Variants in CYP7B1 observed in about 807,000 individuals in gnomAD.
The protein encoded by CYP7B1 is cytochrome P450 7B1.
CYP7B1 carries 29 observed loss-of-function variants against 42.7 expected under a neutral mutation model. The observed-to-expected ratio is 0.68, with a 90% CI of 0.51 to 0.93. The LOEUF is 0.93. CYP7B1 is among the 40% of genes least tolerant of loss of function. CYP7B1 has a pLI of 0.00. For missense variants in CYP7B1, 655 were observed against 600.5 expected, an observed-to-expected ratio of 1.09 and a Z score of -0.95; for synonymous variants, 235 against 218.2, an observed-to-expected ratio of 1.08 and a Z score of -0.68.
chr8:64,670,163 C>T (rs1292740158), intron 1 of CYP7B1, among the ~76,000 whole-genome samples: 1 of 152,194 alleles, frequency 6.6e-6, no homozygotes, highest in Non-Finnish European at 1.5e-5. Flanking sequence ...CATGGCCTCT[C>T]TGTAACACTT....
At chr8:64,724,335 C>A (rs529506295) in intron 1 of CYP7B1, among the ~76,000 whole-genome samples, 1 of 151,932 alleles carries the variant, frequency 6.6e-6, no homozygotes, top group Admixed American at 6.6e-5. Context: ...TTAGTACAGA[C>A]GGGGTTTCAC....
At chr8:64,589,433 T>C (rs1805007377), downstream of CYP7B1, among the ~76,000 whole-genome samples, 1 of 152,242 alleles carries the variant, frequency 6.6e-6, no homozygotes, top group Non-Finnish European at 1.5e-5. Flanking sequence ...ACCACATGTA[T>C]AGTTTTTACT....
chr8:64,772,813 C>A (rs1804259105), intron 1 of CYP7B1, among the ~76,000 whole-genome samples: 1 of 152,186 alleles, frequency 6.6e-6, no homozygotes, highest in Admixed American at 6.5e-5. Context: ...GTAGTTCCCT[C>A]ACTTCACTCC....
At chr8:64,629,202 G>A (rs943697746) in intron 1 of CYP7B1, among the ~76,000 whole-genome samples, 4 of 146,314 alleles carry the variant, frequency 2.7e-5, no homozygotes, top group Non-Finnish European at 4.5e-5. Flanking sequence ...ACTCCAGCTC[G>A]GGTGACAGTG....
intron 1 of CYP7B1, among the ~76,000 whole-genome samples, chr8:64,635,225 C>G (rs1485974969): frequency 6.6e-6 from 1 of 152,226 alleles, no homozygotes; most frequent in African/African-American, 2.4e-5. Flanking sequence ...ATTAATCCAA[C>G]TCTGTCTAGA....
chr8:64,637,682 G>A (rs1310513376), intron 1 of CYP7B1, among the ~76,000 whole-genome samples: 1 of 152,152 alleles, frequency 6.6e-6, no homozygotes, highest in African/African-American at 2.4e-5. Flanking sequence ...TTCTTGCAGT[G>A]TCCTTTGCTT....
At chr8:64,623,221 G>A (rs1237616733) in intron 2 of CYP7B1, among the ~76,000 whole-genome samples, 1 of 152,194 alleles carries the variant, frequency 6.6e-6, no homozygotes, top group African/African-American at 2.4e-5. Flanking sequence ...CTCTTTCCCT[G>A]CCCTTGATTC....
At chr8:64,614,749 C>A (rs2129630158) in intron 4 of CYP7B1, among the ~76,000 whole-genome samples, 1 of 152,244 alleles carries the variant, frequency 6.6e-6, no homozygotes, top group East Asian at 1.9e-4. Flanking sequence ...TGCTCAGAAT[C>A]AAATGATTTA....
intron 1 of CYP7B1, among the ~76,000 whole-genome samples, chr8:64,692,211 T>A (rs1250094236): frequency 1.5e-4 from 23 of 152,178 alleles, no homozygotes; most frequent in Admixed American, 1.5e-3. Context: ...TCCATGTCAA[T>A]AAGGGGATAC....
chr8:64,734,724 A>G (rs945208319), intron 1 of CYP7B1, among the ~76,000 whole-genome samples: 4 of 152,316 alleles, frequency 2.6e-5, no homozygotes, highest in Admixed American at 1.3e-4. Context: ...TCATGTGAAG[A>G]TTGTTCTAAG....
intron 4 of CYP7B1, 103 bp from the exon 5 acceptor site, chr8:64,604,960 G>A: frequency 1.5e-6 from 2 of 1,315,712 alleles, no homozygotes; most frequent in Non-Finnish European, 1.1e-6. Context: ...GATTGAAAAG[G>A]AAACTGTTTC....
chr8:64,663,761 TA>T (rs11333097), intron 1 of CYP7B1, among the ~76,000 whole-genome samples: 128,781 of 152,048 alleles, frequency 0.85, 54,788 homozygotes, highest in Middle Eastern at 0.9. Flanking sequence ...CAGAGATAGC[TA>T]GCTCTCTTCA....
intron 1 of CYP7B1, among the ~76,000 whole-genome samples, chr8:64,721,661 T>C (rs1331678612): frequency 6.6e-6 from 1 of 152,184 alleles, no homozygotes; most frequent in Non-Finnish European, 1.5e-5. Flanking sequence ...GTGTATGACT[T>C]ACAGCCATCC....
intron 1 of CYP7B1, among the ~76,000 whole-genome samples, chr8:64,687,517 C>T (rs747271216): frequency 3.9e-5 from 6 of 152,080 alleles, no homozygotes; most frequent in Non-Finnish European, 7.4e-5. Context: ...GAATTGTACA[C>T]TTGGAAATAG....
chr8:64,754,880 G>A (rs564169772), intron 1 of CYP7B1, among the ~76,000 whole-genome samples: 14 of 152,316 alleles, frequency 9.2e-5, no homozygotes, highest in African/African-American at 3.1e-4. Flanking sequence ...TATTTCTATA[G>A]GGAATTTCAG....
chr8:64,691,837 A>G (rs1489842789), intron 1 of CYP7B1, among the ~76,000 whole-genome samples: 1 of 152,180 alleles, frequency 6.6e-6, no homozygotes, highest in Non-Finnish European at 1.5e-5. Flanking sequence ...CCTGCCTCCT[A>G]GTTCTTAGGT....
At chr8:64,748,338 C>T (rs934049875) in intron 1 of CYP7B1, among the ~76,000 whole-genome samples, 50 of 152,264 alleles carry the variant, frequency 3.3e-4, no homozygotes, top group African/African-American at 1.2e-3. Context: ...TCTATCTTCA[C>T]CATTTCTCCT....
rs1467308505 is a variant in CYP7B1 at position 64,596,610 on chromosome 8, TGATAG to T, written c.*27_*31del. On this transcript the variant is annotated 3_prime_UTR_variant, in exon 6 of 6. Transcript: ENST00000310193. ...GAGCTTAGGATGTTTAGGGTAATTT[TGATAG>T]ATTTATTTTCTTTCCTTTTAGCTTC... 6.3e-7 allele frequency: 1 copy of T among 1,578,626 alleles called. No homozygotes were observed. The highest frequency in any genetic ancestry group is 1.7e-5 in the Admixed American group (1 of 58,338).
chr8:64,611,656 T>G (rs928286888), intron 4 of CYP7B1, among the ~76,000 whole-genome samples: 1 of 152,136 alleles, frequency 6.6e-6, no homozygotes, highest in Non-Finnish European at 1.5e-5. Flanking sequence ...TTAAGGCATC[T>G]CCCTTTACTT....
Sources: gnomAD v4.1 joint callset for allele counts (sites outside exome capture counted in the v4.1 genomes callset) on GRCh38, gnomAD v4.1.1 for gene constraint, MANE v1.5 for transcripts, NCBI Gene and HGNC (gene_info 2026-07-23, HGNC 2026-07-21) for gene names.